The following L1TD1 variants were observed in gnomAD, a reference collection of about 807,000 sequenced individuals.
L1TD1 encodes LINE1 type transposase domain containing 1.
L1TD1 carries 26 observed loss-of-function variants against 25.7 expected under a neutral mutation model. That is an observed-to-expected ratio of 1.01 (90% confidence interval 0.74 to 1.40). The LOEUF is 1.40. Among genes scored for constraint, L1TD1 ranks in the 40% most tolerant of loss-of-function variants. The pLI is 0.00. For missense variants in L1TD1, 1,130 were observed against 975.0 expected, an observed-to-expected ratio of 1.16 and a Z score of -2.12; for synonymous variants, 421 against 335.6, an observed-to-expected ratio of 1.25 and a Z score of -2.78.
At chr1:62,205,429 A>ATTTTTT (rs1557443570) in intron 2 of L1TD1, among the ~76,000 whole-genome samples, 1 of 36,860 alleles carries the variant, frequency 2.7e-5, no homozygotes, top group Non-Finnish European at 6.7e-5. Flanking sequence ...ATATATATAT[A>ATTTTTT]TATATATATA....
At chr1:62,205,706 C>A (rs1420240709) in intron 2 of L1TD1, among the ~76,000 whole-genome samples, 3 of 151,762 alleles carry the variant, frequency 2.0e-5, no homozygotes, top group Non-Finnish European at 4.4e-5. Flanking sequence ...GCTGGGATTA[C>A]AGGCGTGAGC....
chr1:62,199,195 A>C (rs1340918980), intron 2 of L1TD1, among the ~76,000 whole-genome samples: 1 of 152,166 alleles, frequency 6.6e-6, no homozygotes, highest in Non-Finnish European at 1.5e-5. Flanking sequence ...CGCTAATCAT[A>C]ATTTAGCATT....
At chr1:62,205,192 C>CA (rs112608532) in intron 2 of L1TD1, among the ~76,000 whole-genome samples, 2,129 of 149,208 alleles carry the variant, frequency 0.014, 51 homozygotes, top group African/African-American at 0.049. Flanking sequence ...ACTAAAAATA[C>CA]AAAAAAAAAT....
chr1:62,210,190 T>C lies in L1TD1; in HGVS notation c.1416T>C (p.Ser472=), dbSNP rs369089117. Reference sequence around the variant, plus strand: ...GCATGGAAACTACTTTCATTGACTCTGTAGAGGATTCTGAATCAGAGGAGG... The same window carrying C: ...GCATGGAAACTACTTTCATTGACTCCGTAGAGGATTCTGAATCAGAGGAGG... ...SDGMETTFID[S]VEDSESEEEE... The change falls in exon 4 of 4, where the codon TCT becomes TCC. Residue 472 remains serine, a synonymous_variant. Coordinates refer to ENST00000498273, the MANE Select transcript of L1TD1 (RefSeq NM_019079.5). The C allele has an allele frequency of 1.2e-6, 2 of 1,614,004 alleles. No homozygotes were observed. Among genetic ancestry groups the C allele is most frequent in the South Asian group, 1.1e-5 (1 of 91,064 alleles).
rs1557449917 is a variant in L1TD1, at chr1:62,212,073, A to T, written c.*701A>T. ...CAATGTAGTAGGAAAACAGGAGGGGACAGTAACAGAAAAGCACGGGAAAAG... is the reference window on the plus strand; with the variant it reads ...CAATGTAGTAGGAAAACAGGAGGGGTCAGTAACAGAAAAGCACGGGAAAAG... On this transcript the variant is annotated 3_prime_UTR_variant, in exon 4 of 4. Coordinates refer to ENST00000498273, the MANE Select transcript of L1TD1 (RefSeq NM_019079.5). 1 of 152,210 alleles carries T rather than the reference A, an allele frequency of 6.6e-6. No individual in the cohort carries two copies. The allele number at this position is 152,210 out of a possible 1,614,324, so 9.4% of individuals were successfully genotyped here.
At chr1:62,204,279 C>T (rs1670694455) in intron 2 of L1TD1, among the ~76,000 whole-genome samples, 1 of 152,022 alleles carries the variant, frequency 6.6e-6, no homozygotes, top group Admixed American at 6.6e-5. Context: ...TGCCCTTGAT[C>T]TGGTAATTTA....
chr1:62,204,880 G>A (rs1670705897), intron 2 of L1TD1, among the ~76,000 whole-genome samples: 2 of 152,168 alleles, frequency 1.3e-5, no homozygotes, highest in African/African-American at 4.8e-5. Context: ...AGGCTCAAGT[G>A]ATCCTCTTAC....
chr1:62,201,077 C>T (rs12753338), intron 2 of L1TD1, among the ~76,000 whole-genome samples: 28,110 of 151,834 alleles, frequency 0.19, 3,240 homozygotes, highest in Middle Eastern at 0.3. Context: ...TACAGGTGCC[C>T]GCCATCATGC....
At chr1:62,205,918 G>A (rs1030232558) in intron 2 of L1TD1, among the ~76,000 whole-genome samples, 1 of 151,356 alleles carries the variant, frequency 6.6e-6, no homozygotes, top group African/African-American at 2.4e-5. Flanking sequence ...TTTTTGTAGA[G>A]ACAGGTCACC....
At chr1:62,207,782 G>A (rs544551156) in intron 3 of L1TD1, 146 bp downstream of exon 3, 50 of 1,017,940 alleles carry the variant, frequency 4.9e-5, no homozygotes, top group Admixed American at 6.3e-5. Flanking sequence ...GCACGATCTC[G>A]GCTCGCTACA....
chr1:62,197,397 T>TTATATATATATATATATATATA lies in L1TD1; in HGVS notation c.-111+884_-111+905dup, dbSNP rs10528649. ...GAGACGCCCTCTCAAAAAAAATAAATTATATATATATATATATATATATAT... is the reference window on the plus strand; with the variant it reads ...GAGACGCCCTCTCAAAAAAAATAAATTATATATATATATATATATATATATATATATATATATATATATATAT... On this transcript the variant is annotated intron_variant, in intron 2 of 3. Transcript: ENST00000498273. Among the ~76,000 whole-genome samples the TTATATATATATATATATATATA allele has an allele frequency of 5.3e-4, 43 of 80,778 alleles. 1 individual carries two copies. Among genetic ancestry groups the TTATATATATATATATATATATA allele is most frequent in the South Asian group, 2.3e-3 (4 of 1,704 alleles). The allele number at this position is 80,778 out of a possible 152,430, so 53.0% of individuals were successfully genotyped here.
In L1TD1 at chr1:62,211,670, A is replaced by G. The variant is rs1570934038; in HGVS notation, c.*298A>G. The G allele has an allele frequency of 8.4e-6, 2 of 238,640 alleles. No individual in the cohort carries two copies. Among genetic ancestry groups the G allele is most frequent in the East Asian group, 2.0e-4 (2 of 10,110 alleles). 14.8% of individuals were successfully genotyped at this position (238,640 alleles called of 1,614,324 possible). On this transcript the variant is annotated 3_prime_UTR_variant, in exon 4 of 4. Transcript: ENST00000498273. ...TACTGCAGTTGACTAGTCTTTTTAG[A>G]ATTTATATTATCTGGCTGGGCACGG...
chr1:62,207,385 A>G lies in L1TD1; in HGVS notation c.757A>G (p.Thr253Ala), dbSNP rs1163072648. The change falls in exon 3 of 4, where the codon ACA becomes GCA. Residue 253 changes from threonine to alanine, a missense_variant. By Grantham distance (58) the Thr-to-Ala change is moderately conservative. Coordinates refer to ENST00000498273, the MANE Select transcript of L1TD1 (RefSeq NM_019079.5). ...LTLVADLSSA[T>A]LDISKQWSNV... ...CCTGGTAGCCGACCTTTCATCAGCA[A>G]CACTGGATATTAGTAAGCAATGGAG... 3 of 1,551,524 alleles carry G rather than the reference A, an allele frequency of 1.9e-6. No individual in the cohort carries two copies. Among genetic ancestry groups the G allele is most frequent in the African/African-American group, 2.7e-5 (2 of 73,058 alleles).
chr1:62,195,933 A>G (rs1670528115), intron 1 of L1TD1, among the ~76,000 whole-genome samples: 1 of 151,972 alleles, frequency 6.6e-6, no homozygotes. Flanking sequence ...GCTACTAGGG[A>G]GGCCGAGGCA....
At chr1:62,204,252 G>T (rs950751159) in intron 2 of L1TD1, among the ~76,000 whole-genome samples, 1 of 151,890 alleles carries the variant, frequency 6.6e-6, no homozygotes, top group Non-Finnish European at 1.5e-5. Flanking sequence ...ATCTCTTTTG[G>T]TTTCTTGGGT....
chr1:62,211,524 A>G lies in L1TD1; in HGVS notation c.*152A>G. On this transcript the variant is annotated 3_prime_UTR_variant, in exon 4 of 4. Coordinates refer to ENST00000498273, the MANE Select transcript of L1TD1 (RefSeq NM_019079.5). ...GCAAGGAATATTACAGATATTACCT[A>G]GATGTTAATAAAGGGTATGTTTAAA... The G allele has an allele frequency of 7.8e-7, 1 of 1,289,814 alleles. No individual in the cohort carries two copies. Among genetic ancestry groups the G allele is most frequent in the Non-Finnish European group, 1.0e-6 (1 of 968,894 alleles). 79.9% of individuals were successfully genotyped at this position (1,289,814 alleles called of 1,614,324 possible).
chr1:62,197,001 T>C (rs896675547), intron 2 of L1TD1, among the ~76,000 whole-genome samples: 1 of 152,072 alleles, frequency 6.6e-6, no homozygotes, highest in Non-Finnish European at 1.5e-5. Context: ...AGTCTGGTGC[T>C]ATTAGCAGAA....
At chr1:62,195,111 C>G (rs74859040) in intron 1 of L1TD1, among the ~76,000 whole-genome samples, 190 bp downstream of exon 1, 5,898 of 147,670 alleles carry the variant, frequency 0.04, 121 homozygotes, top group East Asian at 0.076. Flanking sequence ...GTGGGGTCCG[C>G]AGCGCCCCAA....
chr1:62,205,443 A>ATTTTTTTTTTTTTTTTTTTTTTTTTT (rs1261055805), intron 2 of L1TD1, among the ~76,000 whole-genome samples: 2 of 63,662 alleles, frequency 3.1e-5, no homozygotes, highest in Non-Finnish European at 3.1e-5. Flanking sequence ...ATATATATAT[A>ATTTTTTTTTTTTTTTTTTTTTTTTTT]TTTTTTTTTA....
Sources: allele counts gnomAD v4.1 joint callset (sites outside exome capture counted in the v4.1 genomes callset), GRCh38; gene constraint gnomAD v4.1.1; transcripts MANE v1.5; gene names NCBI Gene and HGNC (gene_info 2026-07-23, HGNC 2026-07-21).